Variants in IMMP1L observed in about 807,000 individuals in gnomAD.
IMMP1L encodes inner mitochondrial membrane peptidase subunit 1, also known as mitochondrial inner membrane protease subunit 1.
Under a neutral mutation model 21.8 loss-of-function variants are expected in IMMP1L, and 24 were observed. That is an observed-to-expected ratio of 1.10 (90% CI 0.80 to 1.55). The LOEUF (loss-of-function observed/expected upper bound fraction) is 1.55, where lower values mean the gene tolerates loss of function less well. IMMP1L is among the 40% of genes most tolerant of loss of function. The pLI is 0.00. For synonymous variants in IMMP1L, 46 were observed against 62.8 expected (o/e 0.73, Z 1.26); for missense variants, 195 against 200.7 (o/e 0.97, Z 0.17).
intron 1 of IMMP1L, among the ~76,000 whole-genome samples, chr11:31,504,889 G>T (rs1344562326): frequency 6.6e-6 from 1 of 152,172 alleles, no homozygotes; most frequent in Non-Finnish European, 1.5e-5. Flanking sequence ...GAAATCTGTG[G>T]TGCTACAACT....
chr11:31,476,415 T>C (rs1954731053), intron 1 of IMMP1L, among the ~76,000 whole-genome samples: 1 of 152,072 alleles, frequency 6.6e-6, no homozygotes, highest in Non-Finnish European at 1.5e-5. Context: ...TGCTGACTTT[T>C]CTAGTAAAGA....
intron 1 of IMMP1L, among the ~76,000 whole-genome samples, chr11:31,491,731 C>G (rs1447857934): frequency 6.6e-6 from 1 of 152,196 alleles, no homozygotes; most frequent in Admixed American, 6.5e-5. Context: ...AAAACCTTTT[C>G]TGAAGAGATT....
chr11:31,492,694 T>C (rs746333635), intron 1 of IMMP1L, among the ~76,000 whole-genome samples: 1 of 152,182 alleles, frequency 6.6e-6, no homozygotes, highest in African/African-American at 2.4e-5. Context: ...ATTTCAATAT[T>C]GTTATGTCTC....
At chr11:31,450,139 G>A (rs1035875130) in intron 4 of IMMP1L, among the ~76,000 whole-genome samples, 1 of 152,082 alleles carries the variant, frequency 6.6e-6, no homozygotes, top group Non-Finnish European at 1.5e-5. Context: ...TTTACCCATC[G>A]TTAAGCCAAT....
At chr11:31,475,892 T>C (rs566945752) in intron 1 of IMMP1L, among the ~76,000 whole-genome samples, 1 of 151,966 alleles carries the variant, frequency 6.6e-6, no homozygotes, top group African/African-American at 2.4e-5. Context: ...GAAAAAATAC[T>C]AACTCTCAAG....
At chr11:31,506,774 A>T (rs1396341891) in intron 1 of IMMP1L, among the ~76,000 whole-genome samples, 1 of 151,626 alleles carries the variant, frequency 6.6e-6, no homozygotes, top group African/African-American at 2.4e-5. Context: ...ATCCTGGCCA[A>T]CATGGTGAAA....
intron 1 of IMMP1L, among the ~76,000 whole-genome samples, chr11:31,473,161 T>C (rs1464882309): frequency 1.3e-5 from 2 of 152,216 alleles, no homozygotes; most frequent in African/African-American, 2.4e-5. Context: ...GCCATTCTCC[T>C]GCCTCAGCCT....
chr11:31,451,975 C>T (rs1468366586), intron 4 of IMMP1L, among the ~76,000 whole-genome samples: 1 of 152,146 alleles, frequency 6.6e-6, no homozygotes, highest in African/African-American at 2.4e-5. Flanking sequence ...TTGAGAACAA[C>T]TATTTCAAAT....
intron 1 of IMMP1L, among the ~76,000 whole-genome samples, chr11:31,463,632 T>A (rs1348384531): frequency 6.6e-6 from 1 of 152,146 alleles, no homozygotes; most frequent in Non-Finnish European, 1.5e-5. Flanking sequence ...AGATAGTAAC[T>A]CTTTCAAAGG....
At chr11:31,482,270 A>T (rs990021195) in intron 1 of IMMP1L, among the ~76,000 whole-genome samples, 1 of 152,138 alleles carries the variant, frequency 6.6e-6, no homozygotes, top group Non-Finnish European at 1.5e-5. Context: ...ATGCTTTTGA[A>T]GAAAAACTAA....
intron 4 of IMMP1L, among the ~76,000 whole-genome samples, chr11:31,436,296 G>A (rs927045933): frequency 3.3e-5 from 5 of 152,122 alleles, no homozygotes; most frequent in Non-Finnish European, 7.3e-5. Context: ...AACCAAAAGT[G>A]GAACTCAGAT....
At chr11:31,459,632 C>A (rs987087201) in intron 3 of IMMP1L, among the ~76,000 whole-genome samples, 5 of 152,026 alleles carry the variant, frequency 3.3e-5, no homozygotes, top group Non-Finnish European at 7.4e-5. Context: ...GAGATGGAGT[C>A]TTGCTCTGTC....
intron 4 of IMMP1L, 171 bp from the exon 5 acceptor site, chr11:31,433,741 T>C: frequency 4.5e-6 from 2 of 441,874 alleles, no homozygotes; most frequent in Non-Finnish European, 8.0e-6. Flanking sequence ...CAATAACTTT[T>C]ACTAAATATC....
At chr11:31,481,727 T>C (rs1021710656) in intron 1 of IMMP1L, among the ~76,000 whole-genome samples, 6 of 151,936 alleles carry the variant, frequency 3.9e-5, no homozygotes, top group African/African-American at 1.4e-4. Flanking sequence ...CAAGAAATCT[T>C]ACTTAAAATT....
Position 31,503,100 on chromosome 11 carries a change from C to T in IMMP1L, c.-30+6419G>A, listed in dbSNP as rs560960106. On this transcript the variant is annotated intron_variant, in intron 1 of 5. Transcript: ENST00000532287. The stretch of plus-strand genomic sequence containing the variant: ...AAGTACTCATTTGCCCTGGTCAGTC[C>T]CAGCTTACTCCTGCTTTCCTAGCAT... 3.9e-5 allele frequency among the ~76,000 whole-genome samples: 6 copies of T among 152,198 alleles called. No homozygotes were observed. The East Asian group carries it at 1.2e-3, about 29-fold the overall frequency.
At chr11:31,494,270 C>A (rs968163020) in intron 1 of IMMP1L, among the ~76,000 whole-genome samples, 7 of 152,254 alleles carry the variant, frequency 4.6e-5, no homozygotes, top group Non-Finnish European at 8.8e-5. Context: ...TACTGACTTA[C>A]GTGCACCCAC....
At chr11:31,472,643 C>A (rs982807708) in intron 1 of IMMP1L, among the ~76,000 whole-genome samples, 3 of 152,002 alleles carry the variant, frequency 2.0e-5, no homozygotes, top group Non-Finnish European at 4.4e-5. Context: ...GAACCAATTT[C>A]TTTAAAGGGG....
chr11:31,468,886 C>G (rs1954452808), intron 1 of IMMP1L, among the ~76,000 whole-genome samples: 1 of 152,116 alleles, frequency 6.6e-6, no homozygotes, highest in Non-Finnish European at 1.5e-5. Context: ...AACGCCCAAA[C>G]TGTTTTCCAA....
intron 1 of IMMP1L, among the ~76,000 whole-genome samples, chr11:31,505,479 T>C (rs547767726): frequency 6.6e-6 from 1 of 152,340 alleles, no homozygotes; most frequent in Non-Finnish European, 1.5e-5. Context: ...TTAGGCAATC[T>C]GGCAGAAGTC....
Sources: allele counts gnomAD v4.1 joint callset (sites outside exome capture counted in the v4.1 genomes callset), GRCh38; gene constraint gnomAD v4.1.1; transcripts MANE v1.5; gene names NCBI Gene and HGNC (gene_info 2026-07-23, HGNC 2026-07-21).